Variants in CTNNA3 observed in about 807,000 individuals in gnomAD.
CTNNA3 encodes catenin alpha 3.
In CTNNA3, 76 loss-of-function variants were observed where a neutral mutation model predicts 95.7. That is an observed-to-expected ratio of 0.79 (90% CI 0.66 to 0.96). The LOEUF (loss-of-function observed/expected upper bound fraction) is 0.96. Among genes scored for constraint, CTNNA3 ranks in the 40% least tolerant of loss-of-function variants. CTNNA3 has a pLI of 0.00. For synonymous variants in CTNNA3, 431 were observed against 374.4 expected (o/e 1.15, Z -1.74); for missense variants, 1,191 against 1,089.8 (o/e 1.09, Z -1.31).
intron 15 of CTNNA3, among the ~76,000 whole-genome samples, chr10:66,042,634 TC>T (rs371493834): frequency 4.6e-5 from 7 of 151,884 alleles, no homozygotes; most frequent in African/African-American, 1.7e-4. Flanking sequence ...GCGCAGCAGC[TC>T]ATGCCTCTAA....
At chr10:67,580,831 G>C (rs1357633791) in intron 3 of CTNNA3, among the ~76,000 whole-genome samples, 6 of 152,074 alleles carry the variant, frequency 3.9e-5, no homozygotes, top group Non-Finnish European at 1.5e-5. Context: ...TTGTGAATGG[G>C]AGTTCACTCA....
At chr10:66,050,038 G>T (rs1045246237) in intron 15 of CTNNA3, among the ~76,000 whole-genome samples, 1 of 152,100 alleles carries the variant, frequency 6.6e-6, no homozygotes, top group Middle Eastern at 3.4e-3. Flanking sequence ...TTAGTATTTG[G>T]TATTACAATA....
intron 12 of CTNNA3, among the ~76,000 whole-genome samples, chr10:66,308,577 A>G (rs1257671609): frequency 6.6e-6 from 1 of 152,198 alleles, no homozygotes; most frequent in Non-Finnish European, 1.5e-5. Context: ...TTGCAAGCTT[A>G]TGAAATTCTG....
At chr10:67,280,869 T>C (rs80233654) in intron 5 of CTNNA3, among the ~76,000 whole-genome samples, 6,814 of 152,258 alleles carry the variant, frequency 0.045, 207 homozygotes, top group South Asian at 0.1. Flanking sequence ...CTTTGAGTCT[T>C]ATATCTGTGG....
At chr10:67,749,233 G>A (rs559534794) in intron 1 of CTNNA3, among the ~76,000 whole-genome samples, 126 of 152,192 alleles carry the variant, frequency 8.3e-4, no homozygotes, top group African/African-American at 2.8e-3. Flanking sequence ...ACACCCCACC[G>A]TCAATATTAC....
intron 7 of CTNNA3, chr10:67,099,503 T>G (rs2131939405): frequency 6.6e-6 from 1 of 152,286 alleles, no homozygotes; most frequent in Non-Finnish European, 1.5e-5. Context: ...TTTAAATTTT[T>G]ATCTCTTCCA....
chr10:67,714,319 A>G (rs762467303), intron 1 of CTNNA3, among the ~76,000 whole-genome samples: 8 of 152,236 alleles, frequency 5.3e-5, no homozygotes, highest in Non-Finnish European at 1.2e-4. Context: ...GCCCAAGACT[A>G]TGGGAACCTA....
intron 11 of CTNNA3, among the ~76,000 whole-genome samples, chr10:66,408,126 T>C (rs117876042): frequency 4.8e-4 from 73 of 152,312 alleles, no homozygotes; most frequent in Middle Eastern, 3.4e-3. Flanking sequence ...TACACATAGC[T>C]TCATCTGCAC....
In CTNNA3 at chr10:67,658,369, C is replaced by T. The variant is rs903543656; in HGVS notation, c.-5-10851G>A. ...AACAAACATTAGTTGATATCATTATCCCCTTTTAAGTGAAAGAACAGAATC... is the reference window on the plus strand; with the variant it reads ...AACAAACATTAGTTGATATCATTATTCCCTTTTAAGTGAAAGAACAGAATC... On this transcript the variant is annotated intron_variant, in intron 1 of 17. Coordinates refer to ENST00000433211, the MANE Select transcript of CTNNA3 (RefSeq NM_013266.4). 3.9e-5 allele frequency among the ~76,000 whole-genome samples: 6 copies of T among 152,154 alleles called. No individual in the cohort carries two copies. The East Asian group carries it at 9.6e-4, about 24-fold the overall frequency.
intron 17 of CTNNA3, among the ~76,000 whole-genome samples, chr10:65,928,745 C>T (rs1183711334): frequency 2.6e-5 from 4 of 152,164 alleles, no homozygotes; most frequent in Non-Finnish European, 4.4e-5. Context: ...GGCCTCTAAA[C>T]ATGGCACAAA....
intron 1 of CTNNA3, among the ~76,000 whole-genome samples, chr10:67,726,848 T>G (rs1184975615): frequency 1.8e-5 from 2 of 113,916 alleles, no homozygotes; most frequent in Non-Finnish European, 3.2e-5. Context: ...ATATATAGTA[T>G]AATTATACAT....
At chr10:66,430,248 A>T (rs559913044) in intron 11 of CTNNA3, among the ~76,000 whole-genome samples, 2 of 152,038 alleles carry the variant, frequency 1.3e-5, no homozygotes, top group African/African-American at 2.4e-5. Flanking sequence ...TCAAGGAAAT[A>T]AAGGAGGATA....
chr10:66,088,875 GTAA>G (rs1409561230), intron 14 of CTNNA3, among the ~76,000 whole-genome samples: 4 of 152,092 alleles, frequency 2.6e-5, no homozygotes, highest in Non-Finnish European at 5.9e-5. Context: ...TGAATACCTT[GTAA>G]TAGGGCCTAT....
At chr10:66,728,469 A>G (rs1848846752) in intron 9 of CTNNA3, among the ~76,000 whole-genome samples, 2 of 152,128 alleles carry the variant, frequency 1.3e-5, no homozygotes, top group South Asian at 4.1e-4. Context: ...CTTTTAATGC[A>G]ATTGCTTTGG....
At chr10:67,354,506 G>GA (rs1842741993) in intron 5 of CTNNA3, among the ~76,000 whole-genome samples, 1 of 151,920 alleles carries the variant, frequency 6.6e-6, no homozygotes, top group Non-Finnish European at 1.5e-5. Flanking sequence ...ACTAGAAAGA[G>GA]AAGAGATACT....
At chr10:66,345,133 T>C (rs1284638659) in intron 12 of CTNNA3, among the ~76,000 whole-genome samples, 1 of 152,076 alleles carries the variant, frequency 6.6e-6, no homozygotes, top group Non-Finnish European at 1.5e-5. Flanking sequence ...CATAGAAATT[T>C]TGCCGGCATT....
chr10:66,858,747 T>A (rs1843783406), intron 7 of CTNNA3, among the ~76,000 whole-genome samples: 1 of 151,972 alleles, frequency 6.6e-6, no homozygotes, highest in East Asian at 1.9e-4. Context: ...CCTTTGTCAG[T>A]TCTGCTTGTG....
At chr10:67,198,259 T>C (rs887746235) in intron 6 of CTNNA3, among the ~76,000 whole-genome samples, 5 of 152,156 alleles carry the variant, frequency 3.3e-5, no homozygotes, top group Admixed American at 2.0e-4. Context: ...GATGGTTGAT[T>C]GATTGTGATT....
intron 5 of CTNNA3, among the ~76,000 whole-genome samples, chr10:67,416,268 A>T (rs1432049573): frequency 6.6e-6 from 1 of 152,150 alleles, no homozygotes; most frequent in Non-Finnish European, 1.5e-5. Flanking sequence ...AATATCCAGA[A>T]TCTATGGTAA....
Sources: allele counts gnomAD v4.1 joint callset (sites outside exome capture counted in the v4.1 genomes callset), GRCh38; gene constraint gnomAD v4.1.1; transcripts MANE v1.5; gene names NCBI Gene and HGNC (gene_info 2026-07-23, HGNC 2026-07-21).